INPP5F: variants seen among roughly 807,000 people sequenced by gnomAD.
INPP5F encodes phosphatidylinositide 4-phosphatase SAC2.
INPP5F carries 97 observed loss-of-function variants against 137.2 expected under a neutral mutation model. That is an observed-to-expected ratio of 0.71 (90% CI 0.60 to 0.84). The LOEUF (loss-of-function observed/expected upper bound fraction) is 0.84. Ranked by LOEUF, INPP5F falls within the 40% of genes least tolerant of loss-of-function variation. The pLI is 0.00. For synonymous variants in INPP5F, 504 were observed against 476.9 expected (o/e 1.06, Z -0.74); for missense variants, 1,271 against 1,371.9 (o/e 0.93, Z 1.16).
At chr10:119,773,985 C>T (rs1393228411) in intron 2 of INPP5F, among the ~76,000 whole-genome samples, 2 of 152,128 alleles carry the variant, frequency 1.3e-5, no homozygotes, top group Non-Finnish European at 2.9e-5. Context: ...AATTTCCTGG[C>T]CGGGCTCAGT....
intron 1 of INPP5F, among the ~76,000 whole-genome samples, chr10:119,732,705 T>G (rs1448739457): frequency 6.6e-6 from 1 of 151,988 alleles, no homozygotes; most frequent in Non-Finnish European, 1.5e-5. Flanking sequence ...TTCGCCGTAT[T>G]GGCCAGGTTG....
chr10:119,753,770 G>C (rs1249047800), intron 2 of INPP5F, among the ~76,000 whole-genome samples: 1 of 152,176 alleles, frequency 6.6e-6, no homozygotes, highest in Admixed American at 6.5e-5. Context: ...ACCTGCAAGT[G>C]CTTAGTAAAT....
At chr10:119,731,892 T>G (rs543844689) in intron 1 of INPP5F, among the ~76,000 whole-genome samples, 5 of 152,326 alleles carry the variant, frequency 3.3e-5, no homozygotes, top group Admixed American at 1.3e-4. Context: ...GGCTAACAGT[T>G]GGGTTGAATA....
intron 19 of INPP5F, chr10:119,826,021 A>G: frequency 2.5e-6 from 1 of 398,518 alleles, no homozygotes; most frequent in Non-Finnish European, 4.4e-6. Context: ...AAAATCAGGT[A>G]ACCCACAGGA....
chr10:119,736,417 C>T (rs1352634549), intron 1 of INPP5F, among the ~76,000 whole-genome samples: 1 of 152,218 alleles, frequency 6.6e-6, no homozygotes, highest in Non-Finnish European at 1.5e-5. Context: ...CCTCCTGCCT[C>T]AACCTCCCAA....
At chr10:119,755,561 T>A (rs1848815386) in intron 2 of INPP5F, among the ~76,000 whole-genome samples, 1 of 152,188 alleles carries the variant, frequency 6.6e-6, no homozygotes, top group East Asian at 1.9e-4. Flanking sequence ...GTTTAGCCCA[T>A]AACGGAACAT....
Position 119,819,427 on chromosome 10 carries a change from T to C in INPP5F, c.1887-1419T>C, listed in dbSNP as rs547519779. The C allele has an allele frequency of 2.7e-6, 4 of 1,494,714 alleles. No homozygotes were observed. The South Asian group carries it at 4.0e-5, about 15-fold the overall frequency. The allele number at this position is 1,494,714 out of a possible 1,614,324, so 92.6% of individuals were successfully genotyped here. A position where few individuals can be genotyped will look rare whatever the true frequency, so the allele number is the denominator to read the frequency against. ...GCTGATGTAAATATTAATGCCAAAA[T>C]AGGAGCTAGGATGAAAGTAACACTG... On this transcript the variant is annotated intron_variant, in intron 15 of 19. Coordinates refer to ENST00000650623, the MANE Select transcript of INPP5F (RefSeq NM_014937.4).
At chr10:119,800,968 A>T (rs921478465) in intron 9 of INPP5F, among the ~76,000 whole-genome samples, 1 of 140,712 alleles carries the variant, frequency 7.1e-6, no homozygotes. Context: ...AAAAAAAAAA[A>T]GTGGAGGGAT....
chr10:119,728,858 C>T (rs1319033843), intron 1 of INPP5F, among the ~76,000 whole-genome samples: 1 of 152,190 alleles, frequency 6.6e-6, no homozygotes, highest in Non-Finnish European at 1.5e-5. Flanking sequence ...ATTTTCTACA[C>T]TTAGTGGACA....
chr10:119,730,247 T>A (rs1294641476), intron 1 of INPP5F, among the ~76,000 whole-genome samples: 3 of 152,022 alleles, frequency 2.0e-5, no homozygotes, highest in African/African-American at 7.2e-5. Context: ...GTAGCTGGGA[T>A]TATAGGAACC....
At chr10:119,764,237 ATGTT>A (rs1362553686) in intron 2 of INPP5F, among the ~76,000 whole-genome samples, 1 of 152,176 alleles carries the variant, frequency 6.6e-6, no homozygotes, top group African/African-American at 2.4e-5. Flanking sequence ...ACATCTTTAG[ATGTT>A]TGTTATAGCA....
chr10:119,827,767 T>C lies in INPP5F; in HGVS notation c.3386T>C (p.Ile1129Thr). The change falls in exon 20 of 20, where the codon ATA becomes ACA. Residue 1129 changes from isoleucine (I) to threonine (T), a missense_variant. This residue lies in a region of INPP5F where 490 missense variants were observed against 443.7 expected (regional missense o/e 1.10). Transcript: ENST00000650623. ...KKMFIQCQTRIIQI is the reference protein window; with the variant it reads ...KKMFIQCQTRTIQI ...ATGTTTATACAATGCCAGACACGGA[T>C]AATTCAGATTTAGCTTTTAGCCATA... 6.2e-7 allele frequency: 1 copy of C among 1,600,042 alleles called. No individual in the cohort carries two copies. Among genetic ancestry groups the C allele is most frequent in the Non-Finnish European group, 8.5e-7 (1 of 1,173,668 alleles).
chr10:119,776,142 A>G (rs1049530039), intron 2 of INPP5F, among the ~76,000 whole-genome samples: 20 of 152,200 alleles, frequency 1.3e-4, no homozygotes, highest in African/African-American at 4.8e-4. Context: ...TTTGAGTCCA[A>G]TTTCTGACCT....
intron 1 of INPP5F, among the ~76,000 whole-genome samples, chr10:119,740,550 T>G (rs28582498): frequency 1.3e-5 from 2 of 152,238 alleles, no homozygotes; most frequent in Admixed American, 6.5e-5. Context: ...CATACTTTTT[T>G]CTTTTTTTTT....
At chr10:119,798,984 C>T (rs1390354744) in intron 9 of INPP5F, among the ~76,000 whole-genome samples, 2 of 151,954 alleles carry the variant, frequency 1.3e-5, no homozygotes, top group African/African-American at 4.8e-5. Flanking sequence ...AGATTGCTAT[C>T]AATTAATTAT....
At chr10:119,734,468 G>C (rs1848167096) in intron 1 of INPP5F, among the ~76,000 whole-genome samples, 1 of 152,130 alleles carries the variant, frequency 6.6e-6, no homozygotes, top group Non-Finnish European at 1.5e-5. Flanking sequence ...AATTTAAGCT[G>C]TACTTCCTTT....
At chr10:119,781,509 A>G (rs1243150373) in intron 2 of INPP5F, 126 bp from the exon 3 acceptor site, 2 of 697,306 alleles carry the variant, frequency 2.9e-6, no homozygotes, top group Non-Finnish European at 4.3e-6. Flanking sequence ...GACATGTTTT[A>G]CTTTAAAAGT....
Position 119,771,868 on chromosome 10 carries a change from ATATATATATATATATTTTTTTTTTTTTT to A in INPP5F, c.179-9765_179-9738del, listed in dbSNP as rs1849357338. 4.9e-4 allele frequency among the ~76,000 whole-genome samples: 7 copies of A among 14,310 alleles called. 1 individual carries two copies. Among genetic ancestry groups the A allele is most frequent in the South Asian group, 4.0e-3 (4 of 1,010 alleles). 9.4% of individuals were successfully genotyped at this position (14,310 alleles called of 152,430 possible). On this transcript the variant is annotated intron_variant, in intron 2 of 19. Coordinates refer to ENST00000650623, the MANE Select transcript of INPP5F (RefSeq NM_014937.4). ...GAGATATATATATATATATATATAT[ATATATATATATATATTTTTTTTTTTTTT>A]TTTTTTTTTTTTTTTTTGAGATGGA... is the stretch of plus-strand genomic sequence containing the variant.
intron 1 of INPP5F, among the ~76,000 whole-genome samples, chr10:119,730,087 A>G (rs1241826492): frequency 1.3e-5 from 2 of 151,948 alleles, no homozygotes; most frequent in African/African-American, 4.8e-5. Flanking sequence ...TTGTAAGATA[A>G]TGACTACTAC....
Sources: gnomAD v4.1 joint callset for allele counts (sites outside exome capture counted in the v4.1 genomes callset) on GRCh38, gnomAD v4.1.1 for gene constraint, gnomAD v4.1.1 regional missense constraint, MANE v1.5 for transcripts, NCBI Gene and HGNC (gene_info 2026-07-23, HGNC 2026-07-21) for gene names.